Variants in SAMMSON observed in about 807,000 individuals in gnomAD.
SAMMSON encodes long intergenic non-protein coding RNA 1212.
At chr3:70,054,765 G>C (rs151132269) in intron 3 of SAMMSON, among the ~76,000 whole-genome samples, 1 of 152,014 alleles carries the variant, frequency 6.6e-6, no homozygotes, top group Admixed American at 6.6e-5. Context: ...TGAGGACTGT[G>C]GTCAGCTAGA....
Position 70,014,174 on chromosome 3 carries a change from G to A in SAMMSON, n.417+502G>A, listed in dbSNP as rs144920469. 1.2e-4 allele frequency: 19 copies of A among 152,286 alleles called. 1 individual carries two copies. Among genetic ancestry groups the A allele is most frequent in the African/African-American group, 4.3e-4 (18 of 41,532 alleles). 9.4% of individuals were successfully genotyped at this position (152,286 alleles called of 1,614,324 possible). A position where few individuals can be genotyped will look rare whatever the true frequency, so the allele number is the denominator to read the frequency against. On this transcript the variant is annotated intron_variant and non_coding_transcript_variant, in intron 3 of 9. Coordinates refer to ENST00000642114, the Ensembl canonical transcript of SAMMSON. ...CTTACTATCTACTATTTCCAAAGCG[G>A]AGAGAGAACTTCCCACACCTAGTGA...
chr3:70,190,680 G>T (rs560787595), intron 4 of SAMMSON, among the ~76,000 whole-genome samples: 1 of 152,128 alleles, frequency 6.6e-6, no homozygotes, highest in Non-Finnish European at 1.5e-5. Flanking sequence ...TTATAAATGC[G>T]TAACAAGGAA....
At chr3:70,222,514 C>G (rs1187463750) in intron 4 of SAMMSON, among the ~76,000 whole-genome samples, 2 of 152,208 alleles carry the variant, frequency 1.3e-5, no homozygotes, top group Admixed American at 1.3e-4. Context: ...TTCTTCACTA[C>G]TGCTAGATCT....
At chr3:70,220,735 A>T (rs547829863) in intron 4 of SAMMSON, among the ~76,000 whole-genome samples, 1 of 152,276 alleles carries the variant, frequency 6.6e-6, no homozygotes, top group East Asian at 1.9e-4. Context: ...AGGCAGTGAA[A>T]ATATGGGGAT....
At chr3:70,430,637 T>G (rs997594517) in intron 2 of SAMMSON, among the ~76,000 whole-genome samples, 1 of 152,166 alleles carries the variant, frequency 6.6e-6, no homozygotes, top group African/African-American at 2.4e-5. Flanking sequence ...GGCATCTAAC[T>G]TTGAAATTAC....
chr3:70,315,137 G>A (rs1702486730), intron 7 of SAMMSON, among the ~76,000 whole-genome samples: 1 of 152,156 alleles, frequency 6.6e-6, no homozygotes, highest in Admixed American at 6.6e-5. Flanking sequence ...ATTCTGAAGA[G>A]GAAAGATTTA....
At chr3:70,272,866 A>G (rs1186910463) in intron 6 of SAMMSON, among the ~76,000 whole-genome samples, 1 of 152,242 alleles carries the variant, frequency 6.6e-6, no homozygotes, top group African/African-American at 2.4e-5. Context: ...AATAAAAAAG[A>G]GATCAGAGGA....
intron 7 of SAMMSON, among the ~76,000 whole-genome samples, chr3:70,348,894 G>C (rs908092010): frequency 1.3e-5 from 2 of 152,138 alleles, no homozygotes; most frequent in Admixed American, 1.3e-4. Context: ...TACGGTCTGA[G>C]CTATATGAAG....
chr3:70,271,353 A>G (rs938602186), intron 6 of SAMMSON, among the ~76,000 whole-genome samples: 5 of 152,036 alleles, frequency 3.3e-5, no homozygotes. Context: ...GTGGCTACTC[A>G]CCTCCATTGG....
chr3:70,272,615 T>C (rs1324609689), intron 6 of SAMMSON, among the ~76,000 whole-genome samples: 1 of 152,228 alleles, frequency 6.6e-6, no homozygotes, highest in Non-Finnish European at 1.5e-5. Flanking sequence ...CTTGGGTAAA[T>C]ACCTAGGAGT....
chr3:70,285,214 C>G (rs960751995), intron 6 of SAMMSON, among the ~76,000 whole-genome samples: 6 of 123,406 alleles, frequency 4.9e-5, no homozygotes, highest in East Asian at 2.9e-4. Flanking sequence ...CCCCTCCCCC[C>G]ACCCCACAAC....
chr3:70,044,627 A>T (rs2067117382), intron 3 of SAMMSON, among the ~76,000 whole-genome samples: 1 of 151,980 alleles, frequency 6.6e-6, no homozygotes, highest in East Asian at 1.9e-4. Flanking sequence ...TAATTTACAC[A>T]ATGTGCAAGA....
At chr3:70,223,383 G>A (rs1405847142) in intron 4 of SAMMSON, among the ~76,000 whole-genome samples, 1 of 152,082 alleles carries the variant, frequency 6.6e-6, no homozygotes, top group Admixed American at 6.6e-5. Flanking sequence ...ACTGAGATGA[G>A]TGCAGAGCAC....
At chr3:70,019,828 C>T (rs1261813403) in intron 3 of SAMMSON, among the ~76,000 whole-genome samples, 1 of 152,136 alleles carries the variant, frequency 6.6e-6, no homozygotes, top group Non-Finnish European at 1.5e-5. Flanking sequence ...CATATTAACA[C>T]ATTCAAGGGC....
intron 7 of SAMMSON, among the ~76,000 whole-genome samples, chr3:70,340,815 C>T (rs544303129): frequency 1.1e-4 from 17 of 152,168 alleles, no homozygotes; most frequent in African/African-American, 4.1e-4. Flanking sequence ...GCTGATTTTG[C>T]TTGTATTGTT....
chr3:70,076,087 G>C (rs1463389687), intron 4 of SAMMSON, among the ~76,000 whole-genome samples: 2 of 152,030 alleles, frequency 1.3e-5, no homozygotes, highest in Non-Finnish European at 2.9e-5. Flanking sequence ...CTTTAAGTCA[G>C]AAGAACTTAA....
chr3:70,144,302 T>G (rs2067539423), intron 4 of SAMMSON, among the ~76,000 whole-genome samples: 1 of 152,114 alleles, frequency 6.6e-6, no homozygotes, highest in Admixed American at 6.6e-5. Context: ...GCTGAACTGC[T>G]ATATATAAAA....
At chr3:70,269,783 A>G (rs1332127165) in intron 6 of SAMMSON, among the ~76,000 whole-genome samples, 2 of 152,188 alleles carry the variant, frequency 1.3e-5, no homozygotes, top group African/African-American at 4.8e-5. Flanking sequence ...CCAAATTGCT[A>G]AAAGGACAAA....
chr3:70,229,517 C>T (rs1440059440), intron 4 of SAMMSON, among the ~76,000 whole-genome samples: 1 of 152,186 alleles, frequency 6.6e-6, no homozygotes, highest in African/African-American at 2.4e-5. Context: ...GGTTTTCTTG[C>T]ATCTCAGCAG....
Sources: gnomAD v4.1 joint callset for allele counts (sites outside exome capture counted in the v4.1 genomes callset) on GRCh38, gnomAD v4.1.1 for gene constraint, MANE v1.5 for transcripts, NCBI Gene and HGNC (gene_info 2026-07-23, HGNC 2026-07-21) for gene names.